ABCA12: variants seen among roughly 807,000 people sequenced by gnomAD.
The protein encoded by ABCA12 is glucosylceramide transporter ABCA12.
In ABCA12, 156 loss-of-function variants were observed where a neutral mutation model predicts 293.5. The observed-to-expected ratio is 0.53, with a 90% CI of 0.47 to 0.61. The LOEUF (loss-of-function observed/expected upper bound fraction) is 0.61. Among genes scored for constraint, ABCA12 ranks in the 20% least tolerant of loss-of-function variants. The pLI is 0.00. For synonymous variants in ABCA12, 1,063 were observed against 1,108.0 expected (o/e 0.96, Z 0.81); for missense variants, 2,797 against 3,090.2 (o/e 0.91, Z 2.25).
chr2:214,960,588 T>C (rs1471625312), intron 39 of ABCA12: 3 of 152,120 alleles, frequency 2.0e-5, no homozygotes, highest in African/African-American at 4.8e-5. Context: ...AGTAGCGAGA[T>C]TGGTCAGTAA....
At chr2:215,045,375 G>C (rs990327088) in intron 7 of ABCA12, among the ~76,000 whole-genome samples, 4 of 152,138 alleles carry the variant, frequency 2.6e-5, no homozygotes, top group African/African-American at 7.2e-5. Flanking sequence ...CATGAGGGAG[G>C]CCAACCTCTT....
At chr2:214,958,103 T>C (rs1329487370) in intron 41 of ABCA12, among the ~76,000 whole-genome samples, 174 bp downstream of exon 41, 1 of 152,166 alleles carries the variant, frequency 6.6e-6, no homozygotes, top group African/African-American at 2.4e-5. Flanking sequence ...CGGTAGGTTA[T>C]GTTTCCTCCA....
Position 214,981,953 on chromosome 2 carries a change from TA to T in ABCA12, c.4579+233del, listed in dbSNP as rs1440428201. 1.8e-3 allele frequency among the ~76,000 whole-genome samples: 235 copies of T among 130,536 alleles called. 2 individuals are homozygous for T. Among genetic ancestry groups the T allele is most frequent in the African/African-American group, 4.9e-3 (153 of 31,474 alleles). 85.6% of individuals were successfully genotyped at this position (130,536 alleles called of 152,430 possible). On this transcript the variant is annotated intron_variant, in intron 30 of 52. Coordinates refer to ENST00000272895, the MANE Select transcript of ABCA12 (RefSeq NM_173076.3). ...CACAGTCAGCTGTTTTTATTATTAT[TA>T]TTATTATTATTATTATTATTATTAT...
intron 2 of ABCA12, among the ~76,000 whole-genome samples, chr2:215,080,272 T>TG (rs1325478293): frequency 2.6e-5 from 4 of 151,928 alleles, no homozygotes; most frequent in Non-Finnish European, 5.9e-5. Flanking sequence ...CCAAGGCAGG[T>TG]GGATTACCTG....
intron 2 of ABCA12, among the ~76,000 whole-genome samples, chr2:215,107,518 T>C (rs895537586): frequency 6.6e-6 from 1 of 152,230 alleles, no homozygotes; most frequent in Non-Finnish European, 1.5e-5. Context: ...TTGCAGAGGC[T>C]AGTTACCTAA....
chr2:215,009,274 T>A (rs1700320640), intron 18 of ABCA12, among the ~76,000 whole-genome samples: 1 of 151,924 alleles, frequency 6.6e-6, no homozygotes, highest in African/African-American at 2.4e-5. Context: ...AGTTAAATGA[T>A]GAGAACACAT....
chr2:214,932,212 A>G lies in ABCA12; in HGVS notation c.*422T>C, dbSNP rs1409408617. The G allele has an allele frequency of 4.2e-6, 1 of 240,522 alleles. No individual in the cohort carries two copies. The highest frequency in any genetic ancestry group is 8.2e-6 in the Non-Finnish European group (1 of 122,034). 14.9% of individuals were successfully genotyped at this position (240,522 alleles called of 1,614,324 possible). ...TGATGTTCATTCTGTTGTTTTCTGG[A>G]AATAAATTATGTTGTCTGCTTGCCC... On this transcript the variant is annotated 3_prime_UTR_variant, in exon 53 of 53. Coordinates refer to ENST00000272895, the MANE Select transcript of ABCA12 (RefSeq NM_173076.3).
intron 14 of ABCA12, among the ~76,000 whole-genome samples, chr2:215,017,291 A>T (rs1333194674): frequency 6.6e-6 from 1 of 152,182 alleles, no homozygotes; most frequent in African/African-American, 2.4e-5. Context: ...TTTCCATGAC[A>T]CTTCCAGACA....
intron 50 of ABCA12, among the ~76,000 whole-genome samples, chr2:214,941,570 T>C (rs1171995147): frequency 1.3e-5 from 2 of 152,088 alleles, no homozygotes; most frequent in Non-Finnish European, 2.9e-5. Flanking sequence ...TCCCCTGTGA[T>C]TGTGTGGGAG....
Position 214,932,226 on chromosome 2 carries a change from G to A in ABCA12, c.*408C>T. 1 of 243,298 alleles carries A rather than the reference G, an allele frequency of 4.1e-6. No homozygotes were observed. Among genetic ancestry groups the A allele is most frequent in the South Asian group, 5.2e-5 (1 of 19,200 alleles). 15.1% of individuals were successfully genotyped at this position (243,298 alleles called of 1,614,324 possible). On this transcript the variant is annotated 3_prime_UTR_variant, in exon 53 of 53. Coordinates refer to ENST00000272895, the MANE Select transcript of ABCA12 (RefSeq NM_173076.3). The stretch of plus-strand genomic sequence containing the variant: ...TTGTTTTCTGGAAATAAATTATGTT[G>A]TCTGCTTGCCCGGTGGCACCTGCCA...
chr2:215,045,612 A>T (rs1701185723), intron 7 of ABCA12, among the ~76,000 whole-genome samples: 1 of 152,172 alleles, frequency 6.6e-6, no homozygotes, highest in Non-Finnish European at 1.5e-5. Context: ...AACAGTTAGG[A>T]TCAGTTCCTC....
chr2:214,988,785 G>C (rs1386787875), intron 26 of ABCA12, among the ~76,000 whole-genome samples: 2 of 152,070 alleles, frequency 1.3e-5, no homozygotes, highest in Non-Finnish European at 1.5e-5. Flanking sequence ...AGGAAATTTA[G>C]CAGTATATTA....
At chr2:215,124,324 TC>T (rs1267304250) in intron 1 of ABCA12, among the ~76,000 whole-genome samples, 1 of 152,196 alleles carries the variant, frequency 6.6e-6, no homozygotes, top group East Asian at 1.9e-4. Flanking sequence ...TGGGTAGATA[TC>T]CAGTAGTGGG....
Position 215,049,742 on chromosome 2 carries a change from C to T in ABCA12, c.577G>A (p.Val193Met). ...ELCDSYSGYI[V>M]DDAFSWTFLG... ...AAGGTCCAAGAGAAGGCATCATCCA[C>T]AATGTATCCTGAATAGCTGTCACAT... Residue 193 changes from valine (V) to methionine (M), a missense_variant, in exon 6 of 53, where the codon GTG becomes ATG. Around this residue, in one of 3 missense-constraint regions of ABCA12, gnomAD observed 656 missense variants for 638.2 expected, o/e 1.03. Transcript: ENST00000272895. 6.2e-7 allele frequency: 1 copy of T among 1,613,690 alleles called. No homozygotes were observed. Among genetic ancestry groups the T allele is most frequent in the Non-Finnish European group, 8.5e-7 (1 of 1,179,768 alleles).
At chr2:215,044,319 G>C (rs1487655131) in intron 7 of ABCA12, 1 of 152,008 alleles carries the variant, frequency 6.6e-6, no homozygotes, top group Non-Finnish European at 1.5e-5. Context: ...GCTAACACTT[G>C]GAATTATCCA....
chr2:215,059,334 T>G (rs2106067486), intron 3 of ABCA12, among the ~76,000 whole-genome samples: 1 of 152,150 alleles, frequency 6.6e-6, no homozygotes, highest in Non-Finnish European at 1.5e-5. Flanking sequence ...TTGTCCTTCC[T>G]GGATATCCCA....
intron 2 of ABCA12, 120 bp from the exon 3 acceptor site, chr2:215,064,339 A>T: frequency 9.6e-7 from 1 of 1,036,292 alleles, no homozygotes; most frequent in Non-Finnish European, 1.5e-6. Context: ...GGGTCCCCCA[A>T]CTGAGCCCCA....
intron 18 of ABCA12, among the ~76,000 whole-genome samples, chr2:215,008,314 C>T (rs995502594): frequency 1.3e-5 from 2 of 152,034 alleles, no homozygotes; most frequent in South Asian, 2.1e-4. Context: ...TCTGAACATT[C>T]ATCTTATTGA....
chr2:215,007,001 G>T (rs982303787), intron 19 of ABCA12, among the ~76,000 whole-genome samples: 2 of 148,088 alleles, frequency 1.4e-5, no homozygotes, highest in Non-Finnish European at 3.0e-5. Context: ...TCAGCCTCCC[G>T]AGTAATTGGG....
Sources: allele counts gnomAD v4.1 joint callset (sites outside exome capture counted in the v4.1 genomes callset), GRCh38; gene constraint gnomAD v4.1.1; regional missense constraint gnomAD v4.1.1; transcripts MANE v1.5; gene names NCBI Gene and HGNC (gene_info 2026-07-23, HGNC 2026-07-21).